The following ROBO3 variants were observed in gnomAD, a reference collection of about 807,000 sequenced individuals.
ROBO3 encodes roundabout guidance receptor 3, also known as roundabout homolog 3.
In ROBO3, 97 loss-of-function variants were observed where a neutral mutation model predicts 160.5. That is an observed-to-expected ratio of 0.60 (90% CI 0.51 to 0.72). The LOEUF is 0.72. Ranked by LOEUF, ROBO3 falls within the 30% of genes least tolerant of loss-of-function variation. ROBO3 has a pLI of 0.00. For missense variants in ROBO3, 1,858 were observed against 1,846.5 expected, an observed-to-expected ratio of 1.01 and a Z score of -0.11; for synonymous variants, 780 against 746.2, an observed-to-expected ratio of 1.05 and a Z score of -0.74.
Position 124,873,182 on chromosome 11 carries a change from T to C in ROBO3, c.1536+93T>C. On this transcript the variant is annotated intron_variant, in intron 9 of 27. Coordinates refer to ENST00000397801, the MANE Select transcript of ROBO3 (RefSeq NM_022370.4). The surrounding 1 kb of genome is among the most constrained non-coding windows in gnomAD (Gnocchi z 4.5). ...AGTACTCACTGGGCCTGTAGCCCCA[T>C]CTTTACCCCTCTGTTCTCTCAGAGC... The C allele has an allele frequency of 7.0e-7, 1 of 1,431,030 alleles. No homozygotes were observed. Among genetic ancestry groups the C allele is most frequent in the South Asian group, 1.3e-5 (1 of 78,990 alleles). 88.6% of individuals were successfully genotyped at this position (1,431,030 alleles called of 1,614,324 possible). A position where few individuals can be genotyped will look rare whatever the true frequency, so the allele number is the denominator to read the frequency against.
In ROBO3 at chr11:124,865,734, A is replaced by G; in HGVS notation, c.157A>G (p.Asn53Asp). The G allele has an allele frequency of 6.2e-7, 1 of 1,606,798 alleles. No homozygotes were observed. The highest frequency in any genetic ancestry group is 8.5e-7 in the Non-Finnish European group (1 of 1,177,732). Residue 53 changes from asparagine to aspartate, a missense_variant, in exon 1 of 28, where the codon AAC (asparagine) becomes GAC (aspartate). Transcript: ENST00000397801. The surrounding 1 kb of genome is among the most constrained non-coding windows in gnomAD (Gnocchi z 5.5). ...TLLPPGDPSL[N>D]GSRVGPEDAM... ...GCTGCCTCCCGGCGATCCCTCTCTC[A>G]ACGGTGAGACCCTGCCTCTTGGGGA...
chr11:124,868,724 A>T, intron 1 of ROBO3, 78 bp from the exon 2 acceptor site: 1 of 1,365,900 alleles, frequency 7.3e-7, no homozygotes, highest in Non-Finnish European at 1.0e-6. Context: ...CGACCAGAGG[A>T]TTCTCTTTCC....
rs202237199 is a variant in ROBO3, at chr11:124,873,839, G to A, written c.1761G>A (p.Thr587=). 3.2e-5 allele frequency: 51 copies of A among 1,613,464 alleles called. No individual in the cohort carries two copies. In the African/African-American group the frequency reaches 3.6e-4, roughly 11 times the overall value. ...ACCCACAAACTGGGGCTGCAGTCAC[G>A]TCTTATGTGATAGAGGCCTTCAGGT... ...KPNPQTGAAV[T]SYVIEAFSPA... The change falls in exon 11 of 28, where the codon ACG becomes ACA. Residue 587 remains threonine, a synonymous_variant. Coordinates refer to ENST00000397801, the MANE Select transcript of ROBO3 (RefSeq NM_022370.4). The surrounding 1 kb of genome is among the most constrained non-coding windows in gnomAD (Gnocchi z 4.5).
intron 20 of ROBO3, 25 bp from the exon 21 acceptor site, chr11:124,877,912 G>T (rs1480165977): frequency 1.3e-6 from 2 of 1,509,284 alleles, no homozygotes; most frequent in Non-Finnish European, 1.8e-6. Flanking sequence ...CTCTGCTTCC[G>T]GGCCTCCCTC....
intron 13 of ROBO3, 28 bp downstream of exon 13, chr11:124,874,937 G>T: frequency 6.3e-7 from 1 of 1,595,458 alleles, no homozygotes; most frequent in Non-Finnish European, 8.5e-7. Flanking sequence ...AGGAGATTCA[G>T]GGTGGGGATG....
At chr11:124,874,376 T>C in intron 12 of ROBO3, 140 bp downstream of exon 12, 2 of 754,382 alleles carry the variant, frequency 2.7e-6, no homozygotes, top group Non-Finnish European at 4.1e-6. Flanking sequence ...CGGCCTGGAA[T>C]AGGAGATCAT....
Position 124,878,900 on chromosome 11 carries a change from TA to T in ROBO3, c.3533+105del. On this transcript the variant is annotated intron_variant, in intron 23 of 27. Transcript: ENST00000397801. The surrounding 1 kb of genome is among the most constrained non-coding windows in gnomAD (Gnocchi z 4.3). ...GATGGATGGGTGGATGGATCTGGGG[TA>T]CAGAGGTCTCAGGGCTGTGTCAGGG... 1 of 1,022,952 alleles carries T rather than the reference TA, an allele frequency of 9.8e-7. No individual in the cohort carries two copies. The highest frequency in any genetic ancestry group is 1.4e-6 in the Non-Finnish European group (1 of 693,338). The allele number at this position is 1,022,952 out of a possible 1,614,324, so 63.4% of individuals were successfully genotyped here. A position where few individuals can be genotyped will look rare whatever the true frequency, so the allele number is the denominator to read the frequency against.
rs759359082 is a variant in ROBO3, at chr11:124,870,620, C to G, written c.925C>G (p.His309Asp). ...GAGCAGGTATGAGATCCGGAGTGAC[C>G]ACAGCCTTTGGATTGGGCATGTGAG... is the stretch of plus-strand genomic sequence containing the variant. ...PTGRYEIRSD[H>D]SLWIGHVSAE... The change falls in exon 6 of 28, where the codon CAC (histidine) becomes GAC (aspartate). Residue 309 changes from histidine to aspartate, a missense_variant. By Grantham distance (81) the His-to-Asp change is moderately conservative. Coordinates refer to ENST00000397801, the MANE Select transcript of ROBO3 (RefSeq NM_022370.4). 1 of 1,613,720 alleles carries G rather than the reference C, an allele frequency of 6.2e-7. No homozygotes were observed. The highest frequency in any genetic ancestry group is 8.5e-7 in the Non-Finnish European group (1 of 1,179,840).
In ROBO3 at chr11:124,865,487, C is replaced by T; in HGVS notation, c.-91C>T. ...CCGTGGCTGCCGCAGCGCGCAGAGG[C>T]TGTGGAGGGGCTTACGGCTCCCAGC... On this transcript the variant is annotated 5_prime_UTR_variant, in exon 1 of 28. Transcript: ENST00000397801. The surrounding 1 kb of genome is among the most constrained non-coding windows in gnomAD (Gnocchi z 5.5). 1 of 1,358,540 alleles carries T rather than the reference C, an allele frequency of 7.4e-7. No homozygotes were observed. Among genetic ancestry groups the T allele is most frequent in the Non-Finnish European group, 1.0e-6 (1 of 989,096 alleles). The allele number at this position is 1,358,540 out of a possible 1,614,324, so 84.2% of individuals were successfully genotyped here.
Position 124,873,579 on chromosome 11 carries a change from T to C in ROBO3, c.1619-118T>C, listed in dbSNP as rs1251469620. ...GATGTGAGTAGGGGTTCATATACTA[T>C]AGCCCACTCTGACCATCACCGCAGC... On this transcript the variant is annotated intron_variant, in intron 10 of 27. Coordinates refer to ENST00000397801, the MANE Select transcript of ROBO3 (RefSeq NM_022370.4). The surrounding 1 kb of genome is among the most constrained non-coding windows in gnomAD (Gnocchi z 4.5). The C allele has an allele frequency of 9.5e-7, 1 of 1,051,232 alleles. No individual in the cohort carries two copies. Among genetic ancestry groups the C allele is most frequent in the Non-Finnish European group, 1.4e-6 (1 of 725,834 alleles). 65.1% of individuals were successfully genotyped at this position (1,051,232 alleles called of 1,614,324 possible).
intron 1 of ROBO3, chr11:124,868,386 T>TTTATGCAC: frequency 2.2e-6 from 1 of 464,076 alleles, no homozygotes; most frequent in South Asian, 2.6e-5. Context: ...CGGTTTATGG[T>TTTATGCAC]CTTTCACTGA....
In ROBO3 at chr11:124,869,807, G is replaced by T; in HGVS notation, c.646-141G>T. 7.6e-7 allele frequency: 1 copy of T among 1,316,654 alleles called. No homozygotes were observed. Among genetic ancestry groups the T allele is most frequent in the Non-Finnish European group, 1.0e-6 (1 of 954,652 alleles). 81.6% of individuals were successfully genotyped at this position (1,316,654 alleles called of 1,614,324 possible). On this transcript the variant is annotated intron_variant, in intron 3 of 27. Transcript: ENST00000397801. The surrounding 1 kb of genome is among the most constrained non-coding windows in gnomAD (Gnocchi z 4.2). ...CCAGGAACTTCCCATTTGATATGTG[G>T]GTCAACTTCCTTGGTCTCCTTTATC...
At position 124,872,760 on chromosome 11, in the gene ROBO3, CT is replaced by C. The variant is rs1565311244; in HGVS notation, c.1331-123del. ...GACTTCAGATGATTATCAAAGCCCC[CT>C]CTGATCACCGGAAGTTTCAGGGGCT... On this transcript the variant is annotated intron_variant, in intron 8 of 27. Coordinates refer to ENST00000397801, the MANE Select transcript of ROBO3 (RefSeq NM_022370.4). This position sits in a 1 kb window ranked among gnomAD's most constrained non-coding sequence, Gnocchi z 4.3. 1.0e-6 allele frequency: 1 copy of C among 975,202 alleles called. No individual in the cohort carries two copies. The highest frequency in any genetic ancestry group is 1.6e-5 in the African/African-American group (1 of 60,706). 60.4% of individuals were successfully genotyped at this position (975,202 alleles called of 1,614,324 possible).
intron 18 of ROBO3, 23 bp downstream of exon 18, chr11:124,877,207 G>A (rs368291303): frequency 6.2e-7 from 1 of 1,613,456 alleles, no homozygotes; most frequent in Non-Finnish European, 8.5e-7. Flanking sequence ...TGCCCCAGTG[G>A]GGTTCAGACC....
Position 124,875,549 on chromosome 11 carries a change from T to C in ROBO3, c.2300-15T>C, listed in dbSNP as rs1294530301. On this transcript the variant is annotated splice_polypyrimidine_tract_variant and intron_variant, in intron 14 of 27. Transcript: ENST00000397801. ...ACTATTTGTGTCCTTCTCACCATGC[T>C]CCACCCTGGCCCAGCCCCCAGTGGC... is the stretch of plus-strand genomic sequence containing the variant. 10 of 1,610,948 alleles carry C rather than the reference T, an allele frequency of 6.2e-6. No homozygotes were observed. The highest frequency in any genetic ancestry group is 1.3e-5 in the African/African-American group (1 of 74,800).
chr11:124,881,420 T>A lies in ROBO3; in HGVS notation c.*170T>A. ...TCCTCCCTTTCTTTCTTTTTCCACC[T>A]GAGACTTGTTTATAAAAAACAAAAC... On this transcript the variant is annotated 3_prime_UTR_variant, in exon 28 of 28. Coordinates refer to ENST00000397801, the MANE Select transcript of ROBO3 (RefSeq NM_022370.4). The A allele has an allele frequency of 1.6e-6, 1 of 639,788 alleles. No homozygotes were observed. The highest frequency in any genetic ancestry group is 2.7e-6 in the Non-Finnish European group (1 of 365,072). 39.6% of individuals were successfully genotyped at this position (639,788 alleles called of 1,614,324 possible).
In ROBO3 at chr11:124,880,011, G is replaced by A. The variant is rs191441776; in HGVS notation, c.3958+63G>A. The A allele has an allele frequency of 1.2e-5, 18 of 1,446,924 alleles. No homozygotes were observed. The East Asian group carries it at 4.5e-4, about 36-fold the overall frequency. 89.6% of individuals were successfully genotyped at this position (1,446,924 alleles called of 1,614,324 possible). The stretch of plus-strand genomic sequence containing the variant: ...CAGGAGACTGTGGGCTTTGGGACTG[G>A]GGGCTGATAGTAGACCAGCTCAGCC... On this transcript the variant is annotated intron_variant, in intron 26 of 27. Coordinates refer to ENST00000397801, the MANE Select transcript of ROBO3 (RefSeq NM_022370.4).
In ROBO3 at chr11:124,869,441, C is replaced by CCCCCCCCCT; in HGVS notation, c.488-7_488-6insCCCCCCTCC. ...CCCTGCTTATTTCGCCCCCCACCGC[C>CCCCCCCCCT]CCGCCCAGTCCTCCGTGATGATTTC... On this transcript the variant is annotated splice_polypyrimidine_tract_variant and intron_variant, in intron 2 of 27. Coordinates refer to ENST00000397801, the MANE Select transcript of ROBO3 (RefSeq NM_022370.4). This position sits in a 1 kb window ranked among gnomAD's most constrained non-coding sequence, Gnocchi z 4.2. 2.0e-6 allele frequency: 3 copies of CCCCCCCCCT among 1,482,028 alleles called. No homozygotes were observed. The highest frequency in any genetic ancestry group is 1.8e-6 in the Non-Finnish European group (2 of 1,085,132). The allele number at this position is 1,482,028 out of a possible 1,614,324, so 91.8% of individuals were successfully genotyped here.
rs755392258 is a variant in ROBO3, at chr11:124,876,324, G to C, written c.2643G>C (p.Ala881=). Residue 881 remains alanine (A), a synonymous_variant, in exon 17 of 28, where the codon GCG becomes GCC. Transcript: ENST00000397801. This position sits in a 1 kb window ranked among gnomAD's most constrained non-coding sequence, Gnocchi z 5.3. ...GGCTGGAGGTGGGCGCGGGGCTGGCGGTGCGGCTGGCGAGGGTGCTGCGGG... is the reference window on the plus strand; with the variant it reads ...GGCTGGAGGTGGGCGCGGGGCTGGCCGTGCGGCTGGCGAGGGTGCTGCGGG... The part of the protein sequence containing the change: ...EPGLEVGAGL[A]VRLARVLREP... 1 of 1,441,008 alleles carries C rather than the reference G, an allele frequency of 6.9e-7. No homozygotes were observed. The highest frequency in any genetic ancestry group is 9.0e-7 in the Non-Finnish European group (1 of 1,108,870). The allele number at this position is 1,441,008 out of a possible 1,614,324, so 89.3% of individuals were successfully genotyped here. A position where few individuals can be genotyped will look rare whatever the true frequency, so the allele number is the denominator to read the frequency against.
Sources: gnomAD v4.1 joint callset for allele counts on GRCh38, gnomAD v4.1.1 for gene constraint, Gnocchi (gnomAD v3.1) non-coding constraint, MANE v1.5 for transcripts, NCBI Gene and HGNC (gene_info 2026-07-23, HGNC 2026-07-21) for gene names.